The following XCR1 variants were observed in gnomAD, a reference collection of about 807,000 sequenced individuals.
The protein encoded by XCR1 is chemokine XC receptor 1.
For missense variants in XCR1, 356 were observed against 424.2 expected, an observed-to-expected ratio of 0.84 and a Z score of 1.41; for synonymous variants, 187 against 188.5, an observed-to-expected ratio of 0.99 and a Z score of 0.06.
chr3:46,068,696 T>G (rs141171882), intron 3 of XCR1, among the ~76,000 whole-genome samples: 4 of 152,308 alleles, frequency 2.6e-5, no homozygotes, highest in Admixed American at 6.5e-5. Context: ...GTTTCTTGTT[T>G]ACCATGCTAT....
At chr3:46,060,271 T>C (rs756703922) in intron 4 of XCR1, among the ~76,000 whole-genome samples, 3 of 152,200 alleles carry the variant, frequency 2.0e-5, no homozygotes, top group Admixed American at 6.5e-5. Context: ...GCTTGGTGGG[T>C]GACCCCAATC....
At position 46,021,815 on chromosome 3, in the gene XCR1, T is replaced by C; in HGVS notation, c.133A>G (p.Ser45Gly). 1.2e-6 allele frequency: 2 copies of C among 1,613,966 alleles called. No homozygotes were observed. Among genetic ancestry groups the C allele is most frequent in the Non-Finnish European group, 1.7e-6 (2 of 1,179,990 alleles). The change falls in exon 2 of 2, where the codon AGC (serine) becomes GGC (glycine). Residue 45 changes from serine (S) to glycine (G), a missense_variant. Physicochemically the swap from Ser to Gly is moderately conservative, Grantham distance 56. Transcript: ENST00000309285. This position sits in a 1 kb window ranked among gnomAD's most constrained non-coding sequence, Gnocchi z 4.7. ...AGGACCAGGCTGTTGCCCACTAGGC[T>C]GAGGAGAAACACCAGGCAGTATAGG... ...TVLYCLVFLL[S>G]LVGNSLVLWV...
At chr3:46,055,727 C>T (rs1190334950) in intron 4 of XCR1, among the ~76,000 whole-genome samples, 1 of 152,188 alleles carries the variant, frequency 6.6e-6, no homozygotes, top group Admixed American at 6.5e-5. Flanking sequence ...CTCTGGAGAC[C>T]TGGATTCCGT....
At chr3:46,056,910 A>G (rs775976455) in intron 4 of XCR1, among the ~76,000 whole-genome samples, 2 of 152,158 alleles carry the variant, frequency 1.3e-5, no homozygotes, top group Non-Finnish European at 2.9e-5. Context: ...CTCACAAAAG[A>G]CCGTAGCAGC....
intron 4 of XCR1, among the ~76,000 whole-genome samples, chr3:46,065,256 T>C (rs1698046093): frequency 1.3e-5 from 2 of 152,242 alleles, no homozygotes; most frequent in South Asian, 2.1e-4. Flanking sequence ...ACAAGTAATA[T>C]TGGTTAGGGG....
intron 1 of XCR1, among the ~76,000 whole-genome samples, chr3:46,083,077 T>C (rs1297077305): frequency 6.6e-6 from 1 of 152,238 alleles, no homozygotes; most frequent in Non-Finnish European, 1.5e-5. Context: ...TATGTTTCAA[T>C]GTAACTCATC....
chr3:46,024,115 G>C lies in XCR1; in HGVS notation c.-31-2137C>G. On this transcript the variant is annotated intron_variant, in intron 1 of 1. Coordinates refer to ENST00000309285, the MANE Select transcript of XCR1 (RefSeq NM_001024644.2). ...TACATCTCCAGAACTTCCCCTTATG[G>C]ATCTCCCTGAGAATATTCTGAAAGG... is the stretch of plus-strand genomic sequence containing the variant. 3 of 729,436 alleles carry C rather than the reference G, an allele frequency of 4.1e-6. No homozygotes were observed. In the South Asian group the frequency reaches 4.8e-5, roughly 12 times the overall value. 45.2% of individuals were successfully genotyped at this position (729,436 alleles called of 1,614,324 possible). A position where few individuals can be genotyped will look rare whatever the true frequency, so the allele number is the denominator to read the frequency against.
intron 4 of XCR1, among the ~76,000 whole-genome samples, chr3:46,066,759 G>T (rs557963399): frequency 1.3e-5 from 2 of 152,366 alleles, no homozygotes; most frequent in African/African-American, 2.4e-5. Context: ...GACCACGGGG[G>T]TTTAAACCCA....
intron 1 of XCR1, chr3:46,023,992 T>G (rs1216886002): frequency 7.8e-6 from 11 of 1,418,780 alleles, no homozygotes; most frequent in Non-Finnish European, 1.1e-5. Flanking sequence ...GCCGCCACAT[T>G]CAGAAACTGC....
chr3:46,071,739 C>T (rs921791257), intron 3 of XCR1, among the ~76,000 whole-genome samples: 5 of 151,914 alleles, frequency 3.3e-5, no homozygotes, highest in African/African-American at 1.2e-4. Context: ...TATAGAAAAA[C>T]CATCTGATAA....
chr3:46,047,914 G>C (rs1697666204), intron 5 of XCR1, among the ~76,000 whole-genome samples: 1 of 152,196 alleles, frequency 6.6e-6, no homozygotes, highest in African/African-American at 2.4e-5. Context: ...TCCATGGACG[G>C]GGGTAGGAAC....
In XCR1 at chr3:46,021,059, G is replaced by A; in HGVS notation, c.889C>T (p.His297Tyr). The A allele has an allele frequency of 6.2e-7, 1 of 1,614,208 alleles. No homozygotes were observed. The highest frequency in any genetic ancestry group is 8.5e-7 in the Non-Finnish European group (1 of 1,180,026). ...AACTGCCGGAGAACATGTTTCAGGT[G>A]TGTGCGGAACTTGACCCCCACGAAG... ...YVFVGVKFRT[H>Y]LKHVLRQFWF... Residue 297 changes from histidine (H) to tyrosine (Y), a missense_variant, in exon 2 of 2, where the codon CAC (histidine) becomes TAC (tyrosine). By Grantham distance (83) the His-to-Tyr change is moderately conservative. Coordinates refer to ENST00000309285, the MANE Select transcript of XCR1 (RefSeq NM_001024644.2). The surrounding 1 kb of genome is among the most constrained non-coding windows in gnomAD (Gnocchi z 4.7).
rs571070317 is a variant in XCR1 at position 46,064,261 on chromosome 3, A to G, written c.-183+2638T>C. Among the ~76,000 whole-genome samples the G allele has an allele frequency of 1.3e-4, 19 of 151,774 alleles. No individual in the cohort carries two copies. In the South Asian group the frequency reaches 4.0e-3, roughly 32 times the overall value. ...CAGGCACTGCGTAATTATTTGTTAGACTCTTTTAGACTACAGTCTCCATAA... is the reference window on the plus strand; with the variant it reads ...CAGGCACTGCGTAATTATTTGTTAGGCTCTTTTAGACTACAGTCTCCATAA... On this transcript the variant is annotated intron_variant, in intron 4 of 5. Coordinates refer to the XCR1 transcript ENST00000683768.
chr3:46,064,848 G>A (rs1484233372), intron 4 of XCR1, among the ~76,000 whole-genome samples: 1 of 152,142 alleles, frequency 6.6e-6, no homozygotes, highest in Non-Finnish European at 1.5e-5. Flanking sequence ...TCCCAGCACT[G>A]TGGGAGGCTG....
At chr3:46,064,756 C>T (rs1385684750) in intron 4 of XCR1, among the ~76,000 whole-genome samples, 1 of 152,172 alleles carries the variant, frequency 6.6e-6, no homozygotes, top group Non-Finnish European at 1.5e-5. Flanking sequence ...CAGGTATCCA[C>T]CAGCTCAACA....
At chr3:46,035,005 A>G (rs1697396055) in intron 5 of XCR1, among the ~76,000 whole-genome samples, 1 of 151,972 alleles carries the variant, frequency 6.6e-6, no homozygotes, top group African/African-American at 2.4e-5. Flanking sequence ...GACAGGCTGG[A>G]GTGCAGTGGT....
chr3:46,024,077 C>T (rs1479327640), intron 1 of XCR1: 1 of 915,970 alleles, frequency 1.1e-6, no homozygotes, highest in East Asian at 2.4e-5. Flanking sequence ...CCCAGTCTTC[C>T]TCCCTTGGAT....
intron 1 of XCR1, among the ~76,000 whole-genome samples, chr3:46,081,235 C>T (rs1467183631): frequency 6.6e-6 from 1 of 152,178 alleles, no homozygotes; most frequent in Non-Finnish European, 1.5e-5. Context: ...TGGTGAAACA[C>T]ACCAATGGTA....
intron 3 of XCR1, among the ~76,000 whole-genome samples, chr3:46,069,324 A>G (rs572038065): frequency 6.6e-6 from 1 of 152,212 alleles, no homozygotes; most frequent in Non-Finnish European, 1.5e-5. Context: ...GAAAAGATCA[A>G]TAAAAGTGAT....
Sources: allele counts gnomAD v4.1 joint callset (sites outside exome capture counted in the v4.1 genomes callset), GRCh38; gene constraint gnomAD v4.1.1; non-coding constraint Gnocchi (gnomAD v3.1); transcripts MANE v1.5; gene names NCBI Gene and HGNC (gene_info 2026-07-23, HGNC 2026-07-21).